MSH4: variants seen among roughly 807,000 people sequenced by gnomAD.
MSH4 encodes the protein mutS protein homolog 4.
In MSH4, 106 loss-of-function variants were observed where a neutral mutation model predicts 113.7. That is an observed-to-expected ratio of 0.93 (90% confidence interval 0.80 to 1.10). MSH4 has a LOEUF of 1.10. MSH4 is among the 50% of genes least tolerant of loss of function. The pLI is 0.00. For missense variants in MSH4, 1,061 were observed against 1,093.7 expected (o/e 0.97, Z 0.42); for synonymous variants, 368 against 380.2 (o/e 0.97, Z 0.37).
chr1:75,825,858 C>T (rs913384073), intron 7 of MSH4, among the ~76,000 whole-genome samples: 21 of 152,178 alleles, frequency 1.4e-4, no homozygotes, highest in African/African-American at 4.8e-4. Context: ...CTGCTGGATT[C>T]GGTTTGCCAG....
intron 8 of MSH4, among the ~76,000 whole-genome samples, chr1:75,867,040 T>TA (rs1415854646): frequency 6.6e-6 from 1 of 152,208 alleles, no homozygotes; most frequent in Non-Finnish European, 1.5e-5. Context: ...TGGCAAACTA[T>TA]AATTCCTAGT....
chr1:75,849,308 A>C (rs914930533), intron 8 of MSH4, among the ~76,000 whole-genome samples: 1 of 152,182 alleles, frequency 6.6e-6, no homozygotes, highest in East Asian at 1.9e-4. Context: ...AATAGTGCTT[A>C]TGGGTATATT....
At chr1:75,882,931 T>C (rs1225915383) in intron 14 of MSH4, among the ~76,000 whole-genome samples, 2 of 152,136 alleles carry the variant, frequency 1.3e-5, no homozygotes, top group Non-Finnish European at 2.9e-5. Flanking sequence ...TAAGTAAATA[T>C]GCAACTCTGT....
chr1:75,843,149 G>C (rs974635627), intron 7 of MSH4, among the ~76,000 whole-genome samples: 1 of 152,144 alleles, frequency 6.6e-6, no homozygotes, highest in African/African-American at 2.4e-5. Context: ...CGTGACCCAC[G>C]TGACCTTACC....
Position 75,825,218 on chromosome 1 carries a change from C to T in MSH4, c.1162+2637C>T, listed in dbSNP as rs148020166. 1.8e-3 allele frequency among the ~76,000 whole-genome samples: 272 copies of T among 151,878 alleles called. 3 individuals carry two copies. Among genetic ancestry groups the T allele is most frequent in the African/African-American group, 6.4e-3 (265 of 41,468 alleles). ...GTATTCCTAGGTGTTTTATTTTCTTCGTAGCGGTTGTGAATGGGAGTTCAC... is the reference window on the plus strand; with the variant it reads ...GTATTCCTAGGTGTTTTATTTTCTTTGTAGCGGTTGTGAATGGGAGTTCAC... On this transcript the variant is annotated intron_variant, in intron 7 of 19. Transcript: ENST00000263187.
intron 7 of MSH4, among the ~76,000 whole-genome samples, chr1:75,833,724 T>C (rs1650762629): frequency 6.6e-6 from 1 of 152,236 alleles, no homozygotes; most frequent in South Asian, 2.1e-4. Context: ...GAAAACTGGC[T>C]AGCCATACGT....
intron 11 of MSH4, 70 bp from the exon 12 acceptor site, chr1:75,878,922 C>T: frequency 1.5e-6 from 2 of 1,317,334 alleles, no homozygotes; most frequent in Non-Finnish European, 2.1e-6. Flanking sequence ...CTCTTTAAAA[C>T]AGAGTGATTT....
At chr1:75,876,590 C>G (rs1023575055) in intron 9 of MSH4, among the ~76,000 whole-genome samples, 1 of 151,902 alleles carries the variant, frequency 6.6e-6, no homozygotes, top group Non-Finnish European at 1.5e-5. Flanking sequence ...TATATCTAAC[C>G]TAAATTTTGG....
chr1:75,881,448 T>A (rs1204563910), intron 14 of MSH4, 78 bp downstream of exon 14: 1 of 1,460,092 alleles, frequency 6.8e-7, no homozygotes, highest in East Asian at 2.4e-5. Flanking sequence ...ATAATAGTTA[T>A]GACATTTAAA....
chr1:75,832,617 A>T (rs1056578839), intron 7 of MSH4, among the ~76,000 whole-genome samples: 2 of 152,190 alleles, frequency 1.3e-5, no homozygotes, highest in Non-Finnish European at 2.9e-5. Flanking sequence ...CCTGGGATGC[A>T]AGGGTGGTTC....
intron 19 of MSH4, among the ~76,000 whole-genome samples, chr1:75,903,736 C>T (rs887374153): frequency 3.9e-5 from 6 of 151,910 alleles, no homozygotes; most frequent in African/African-American, 1.5e-4. Flanking sequence ...TCACTATTGA[C>T]GTATACAAAT....
rs1650446211 is a variant in MSH4 at position 75,822,568 on chromosome 1, T to A, written c.1149T>A (p.Phe383Leu). ...QELLQDEELFFGLQSVISRFL... is the reference protein window; with the variant it reads ...QELLQDEELFLGLQSVISRFL... ...TACTTCAAGATGAGGAACTATTTTT[T>A]GGACTTCAATCAGGTAAATCAATAT... Residue 383 changes from phenylalanine to leucine, a missense_variant, in exon 7 of 20, where the codon TTT (phenylalanine) becomes TTA (leucine). Physicochemically the swap from Phe to Leu is conservative, Grantham distance 22. Transcript: ENST00000263187. 6.6e-7 allele frequency: 1 copy of A among 1,508,616 alleles called. No individual in the cohort carries two copies. The allele number at this position is 1,508,616 out of a possible 1,614,324, so 93.5% of individuals were successfully genotyped here.
intron 9 of MSH4, among the ~76,000 whole-genome samples, chr1:75,874,507 G>C (rs998641927): frequency 1.3e-5 from 2 of 152,000 alleles, no homozygotes; most frequent in African/African-American, 4.8e-5. Flanking sequence ...AAATTTTATA[G>C]ACAGGGGTCT....
intron 17 of MSH4, among the ~76,000 whole-genome samples, chr1:75,891,334 A>G (rs1652247990): frequency 6.6e-6 from 1 of 152,214 alleles, no homozygotes; most frequent in Non-Finnish European, 1.5e-5. Context: ...CTCACAATAT[A>G]TACAGATATG....
intron 6 of MSH4, among the ~76,000 whole-genome samples, chr1:75,818,342 C>G (rs574916692): frequency 1.3e-5 from 2 of 152,286 alleles, no homozygotes; most frequent in Admixed American, 1.3e-4. Context: ...TTGCAAAGCT[C>G]CACTAACCTT....
intron 19 of MSH4, among the ~76,000 whole-genome samples, chr1:75,912,299 A>G (rs1652803573): frequency 6.6e-6 from 1 of 152,040 alleles, no homozygotes; most frequent in Non-Finnish European, 1.5e-5. Flanking sequence ...ATATTACCAC[A>G]TAGCAATGAA....
At chr1:75,822,859 A>G (rs914239695) in intron 7 of MSH4, among the ~76,000 whole-genome samples, 1 of 151,386 alleles carries the variant, frequency 6.6e-6, no homozygotes, top group African/African-American at 2.4e-5. Flanking sequence ...GATACTTTAC[A>G]TTCTTTTTCT....
intron 1 of MSH4, 96 bp downstream of exon 1, chr1:75,797,325 T>G: frequency 6.8e-7 from 1 of 1,459,974 alleles, no homozygotes; most frequent in Non-Finnish European, 9.1e-7. Flanking sequence ...CACAGTGAAG[T>G]TGTGATTTGG....
chr1:75,863,761 C>G (rs1039048595), intron 8 of MSH4, among the ~76,000 whole-genome samples: 3 of 152,160 alleles, frequency 2.0e-5, no homozygotes, highest in Non-Finnish European at 2.9e-5. Context: ...TGAACACACT[C>G]ATTTCTCATT....
Sources: gnomAD v4.1 joint callset for allele counts (sites outside exome capture counted in the v4.1 genomes callset) on GRCh38, gnomAD v4.1.1 for gene constraint, MANE v1.5 for transcripts, NCBI Gene and HGNC (gene_info 2026-07-23, HGNC 2026-07-21) for gene names.